The following MACROD2 variants were observed in gnomAD, a reference collection of about 807,000 sequenced individuals.
MACROD2 encodes the protein mono-ADP ribosylhydrolase 2.
A neutral mutation model predicts 70.4 loss-of-function variants in MACROD2; 36 were observed. The observed-to-expected ratio is 0.51, with a 90% CI of 0.39 to 0.68. MACROD2 has a LOEUF of 0.68. MACROD2 is among the 30% of genes least tolerant of loss of function. The pLI, the probability that MACROD2 is intolerant of heterozygous loss-of-function variation, is 0.00. For synonymous variants in MACROD2, 172 were observed against 178.8 expected, an observed-to-expected ratio of 0.96 and a Z score of 0.30; for missense variants, 496 against 538.4, an observed-to-expected ratio of 0.92 and a Z score of 0.78.
chr20:15,563,218 A>G (rs554283507), intron 8 of MACROD2, among the ~76,000 whole-genome samples: 9 of 152,316 alleles, frequency 5.9e-5, no homozygotes, highest in African/African-American at 2.2e-4. Flanking sequence ...ATCAATGTCT[A>G]TCAGAGAAGA....
At chr20:14,820,370 T>G (rs1485841693) in intron 5 of MACROD2, among the ~76,000 whole-genome samples, 1 of 150,806 alleles carries the variant, frequency 6.6e-6, no homozygotes, top group East Asian at 1.9e-4. Context: ...TTTTTTTTTT[T>G]TTTTTTGTTT....
intron 12 of MACROD2, among the ~76,000 whole-genome samples, chr20:15,954,851 A>T (rs1412615879): frequency 6.6e-6 from 1 of 152,190 alleles, no homozygotes; most frequent in Non-Finnish European, 1.5e-5. Context: ...AGAACTGCAC[A>T]TGTTTTCATG....
At chr20:14,027,008 A>G (rs1023369117) in intron 2 of MACROD2, among the ~76,000 whole-genome samples, 7 of 152,192 alleles carry the variant, frequency 4.6e-5, no homozygotes, top group African/African-American at 1.4e-4. Flanking sequence ...TGACTAGGTG[A>G]CACCTCCCAG....
At chr20:14,901,008 G>T (rs1433848036) in intron 5 of MACROD2, among the ~76,000 whole-genome samples, 2 of 152,008 alleles carry the variant, frequency 1.3e-5, no homozygotes, top group African/African-American at 4.8e-5. Flanking sequence ...TTATTTAAAT[G>T]AGTAGATATA....
At chr20:14,026,523 T>C (rs531199537) in intron 2 of MACROD2, among the ~76,000 whole-genome samples, 1 of 152,350 alleles carries the variant, frequency 6.6e-6, no homozygotes, top group Admixed American at 6.5e-5. Flanking sequence ...TCAGGAGTTC[T>C]TGTAAGGCAG....
chr20:14,277,308 C>T (rs867132880), intron 3 of MACROD2, among the ~76,000 whole-genome samples: 3 of 152,132 alleles, frequency 2.0e-5, no homozygotes, highest in Admixed American at 6.5e-5. Flanking sequence ...ATAAGCTAGG[C>T]ATGGTGGCAC....
intron 5 of MACROD2, among the ~76,000 whole-genome samples, chr20:15,117,636 C>T (rs1056584383): frequency 2.0e-5 from 3 of 152,164 alleles, no homozygotes; most frequent in Non-Finnish European, 4.4e-5. Context: ...CGTTGACCAT[C>T]TTCATATCAT....
At chr20:14,272,170 G>A (rs1381712632) in intron 3 of MACROD2, among the ~76,000 whole-genome samples, 1 of 152,156 alleles carries the variant, frequency 6.6e-6, no homozygotes, top group East Asian at 1.9e-4. Flanking sequence ...CTCGAGAAGA[G>A]CAACTCCAAG....
At chr20:15,232,632 G>C (rs185732688) in intron 6 of MACROD2, among the ~76,000 whole-genome samples, 264 of 152,140 alleles carry the variant, frequency 1.7e-3, no homozygotes, top group South Asian at 0.017. Context: ...TCAAATATAA[G>C]ATGTTTTCAC....
intron 8 of MACROD2, among the ~76,000 whole-genome samples, chr20:15,636,457 A>G (rs1379890306): frequency 2.6e-5 from 4 of 152,162 alleles, no homozygotes; most frequent in Admixed American, 6.5e-5. Context: ...TTGTTCATCC[A>G]TTATTTTTTG....
intron 3 of MACROD2, among the ~76,000 whole-genome samples, chr20:14,291,531 G>A (rs2122450405): frequency 6.6e-6 from 1 of 151,928 alleles, no homozygotes; most frequent in East Asian, 1.9e-4. Context: ...TGGTGAATGA[G>A]AGTGATATGA....
At chr20:15,496,262 T>A (rs752474901) in intron 7 of MACROD2, among the ~76,000 whole-genome samples, 6 of 152,196 alleles carry the variant, frequency 3.9e-5, no homozygotes, top group Non-Finnish European at 7.3e-5. Flanking sequence ...ATCAGTAACT[T>A]TGAATCGGGA....
chr20:15,164,047 TAAG>T (rs983116696), intron 5 of MACROD2, among the ~76,000 whole-genome samples: 45 of 151,990 alleles, frequency 3.0e-4, no homozygotes, highest in African/African-American at 1.0e-3. Context: ...CAATCAATGT[TAAG>T]AAAAAAAATC....
intron 13 of MACROD2, among the ~76,000 whole-genome samples, chr20:15,975,038 A>T (rs2147432182): frequency 6.6e-6 from 1 of 152,278 alleles, no homozygotes; most frequent in South Asian, 2.1e-4. Flanking sequence ...TTTGAAAAAA[A>T]AGTGTGTGTG....
At chr20:16,011,520 T>G (rs985101698) in intron 15 of MACROD2, among the ~76,000 whole-genome samples, 7 of 152,116 alleles carry the variant, frequency 4.6e-5, no homozygotes, top group Admixed American at 6.5e-5. Context: ...AAGATGGGAT[T>G]TATTTGGGGG....
At chr20:14,848,801 G>T (rs1044163063) in intron 5 of MACROD2, among the ~76,000 whole-genome samples, 1 of 152,068 alleles carries the variant, frequency 6.6e-6, no homozygotes, top group Non-Finnish European at 1.5e-5. Flanking sequence ...TATATAATCG[G>T]ATTTTCATCT....
intron 6 of MACROD2, among the ~76,000 whole-genome samples, chr20:15,406,253 G>A (rs2045999352): frequency 6.6e-6 from 1 of 152,192 alleles, no homozygotes; most frequent in African/African-American, 2.4e-5. Context: ...ACCGTGCTCA[G>A]GGAAAGTGTC....
At chr20:15,921,990 G>T (rs530355118) in intron 10 of MACROD2, among the ~76,000 whole-genome samples, 21 of 152,362 alleles carry the variant, frequency 1.4e-4, no homozygotes, top group African/African-American at 4.1e-4. Context: ...GCCCCCTCCT[G>T]TCCGTCATTG....
intron 6 of MACROD2, among the ~76,000 whole-genome samples, chr20:15,369,760 A>G (rs953277635): frequency 7.9e-5 from 12 of 152,168 alleles, no homozygotes; most frequent in African/African-American, 2.9e-4. Context: ...CTGTAATTAG[A>G]ATTAGGTTCC....
Sources: gnomAD v4.1 joint callset for allele counts (sites outside exome capture counted in the v4.1 genomes callset) on GRCh38, gnomAD v4.1.1 for gene constraint, MANE v1.5 for transcripts, NCBI Gene and HGNC (gene_info 2026-07-23, HGNC 2026-07-21) for gene names.